The following TOX variants were observed in gnomAD, a reference collection of about 807,000 sequenced individuals.
TOX encodes the protein thymocyte selection-associated high mobility group box protein TOX.
TOX carries 11 observed loss-of-function variants against 53.7 expected under a neutral mutation model. The ratio of observed to expected loss-of-function variants is 0.20; its 90% CI spans 0.13 to 0.34. The LOEUF is 0.34. TOX is among the 10% of genes least tolerant of loss of function. TOX has a pLI of 1.00. For missense variants in TOX, 570 were observed against 664.6 expected (o/e 0.86, Z 1.56); for synonymous variants, 225 against 245.3 (o/e 0.92, Z 0.77).
At chr8:58,950,525 T>A (rs147884200) in intron 2 of TOX, among the ~76,000 whole-genome samples, 227 of 152,292 alleles carry the variant, frequency 1.5e-3, no homozygotes, top group African/African-American at 5.2e-3. Flanking sequence ...CTCTAAATAC[T>A]GGAGGTCATC....
At chr8:58,987,995 G>T (rs1205419447) in intron 1 of TOX, among the ~76,000 whole-genome samples, 2 of 152,184 alleles carry the variant, frequency 1.3e-5, no homozygotes, top group Non-Finnish European at 2.9e-5. Context: ...TCCAATCCAG[G>T]TCTTCTGACT....
intron 3 of TOX, among the ~76,000 whole-genome samples, chr8:58,893,717 A>G (rs1016691033): frequency 6.6e-6 from 1 of 152,216 alleles, no homozygotes; most frequent in African/African-American, 2.4e-5. Context: ...CCTAAGACCT[A>G]AGTTGACTTT....
rs112612403 is a variant in TOX, at chr8:59,087,165, C to A, written c.102+31721G>T. On this transcript the variant is annotated intron_variant, in intron 1 of 8. Transcript: ENST00000361421. ...AGATTTCTATATCTAAACTGAAAGA[C>A]CTTTTCTCTAAAAGCATCAACAGTC... Among the ~76,000 whole-genome samples the A allele has an allele frequency of 3.3e-5, 5 of 152,254 alleles. 1 individual carries two copies. Among genetic ancestry groups the A allele is most frequent in the African/African-American group, 1.2e-4 (5 of 41,554 alleles).
chr8:59,106,359 A>G (rs1804903162), intron 1 of TOX, among the ~76,000 whole-genome samples: 2 of 152,208 alleles, frequency 1.3e-5, no homozygotes, highest in Admixed American at 6.5e-5. Flanking sequence ...AGCAAGTGCC[A>G]TAAGAAAAAT....
At chr8:58,831,057 A>G (rs907516349) in intron 5 of TOX, among the ~76,000 whole-genome samples, 25 of 152,160 alleles carry the variant, frequency 1.6e-4, no homozygotes, top group African/African-American at 6.0e-4. Flanking sequence ...CTTAGGCTCC[A>G]AGGCCTTCAC....
chr8:58,853,737 G>T (rs1810864659), intron 3 of TOX, among the ~76,000 whole-genome samples: 1 of 152,100 alleles, frequency 6.6e-6, no homozygotes, highest in Admixed American at 6.5e-5. Context: ...CATTCATGTT[G>T]CCTTCAGTCA....
chr8:58,811,217 A>G (rs902442078), intron 7 of TOX, among the ~76,000 whole-genome samples: 1 of 152,230 alleles, frequency 6.6e-6, no homozygotes, highest in Non-Finnish European at 1.5e-5. Context: ...ATGATGACAC[A>G]CACTTTTTGA....
chr8:59,047,419 G>A (rs545617952), intron 1 of TOX, among the ~76,000 whole-genome samples: 24 of 151,284 alleles, frequency 1.6e-4, no homozygotes, highest in African/African-American at 5.1e-4. Context: ...AGTAGAGACG[G>A]GGTTTCACCT....
chr8:58,901,531 C>T (rs1453424526), intron 3 of TOX, among the ~76,000 whole-genome samples: 1 of 152,132 alleles, frequency 6.6e-6, no homozygotes, highest in African/African-American at 2.4e-5. Flanking sequence ...GTTTCTGTGG[C>T]AGGAAACTGA....
At chr8:59,019,521 T>C (rs1227723532) in intron 1 of TOX, among the ~76,000 whole-genome samples, 1 of 152,156 alleles carries the variant, frequency 6.6e-6, no homozygotes, top group Admixed American at 6.5e-5. Context: ...AGACACAAAC[T>C]AGTGTCGAAA....
chr8:58,858,765 T>G (rs1049015838), intron 3 of TOX, among the ~76,000 whole-genome samples: 2 of 152,158 alleles, frequency 1.3e-5, no homozygotes, highest in African/African-American at 4.8e-5. Context: ...ATACACACTA[T>G]CAAACACACA....
Position 58,918,914 on chromosome 8 carries a change from G to A in TOX, c.411+20388C>T, listed in dbSNP as rs1299625723. 5.3e-5 allele frequency among the ~76,000 whole-genome samples: 8 copies of A among 151,860 alleles called. No homozygotes were observed. In the East Asian group the frequency reaches 5.8e-4, roughly 11 times the overall value. On this transcript the variant is annotated intron_variant, in intron 3 of 8. Transcript: ENST00000361421. ...CAAGCATTCTTATACACCAACAACC[G>A]GCAAACAGAGAGCCAAATCATAAGT...
At chr8:59,114,419 T>G (rs1302864688) in intron 1 of TOX, among the ~76,000 whole-genome samples, 4 of 152,202 alleles carry the variant, frequency 2.6e-5, no homozygotes, top group Non-Finnish European at 5.9e-5. Flanking sequence ...TTTGAAACTT[T>G]TCTATAATAT....
At chr8:58,859,273 A>G (rs1401353445) in intron 3 of TOX, among the ~76,000 whole-genome samples, 1 of 152,200 alleles carries the variant, frequency 6.6e-6, no homozygotes, top group Non-Finnish European at 1.5e-5. Context: ...AACTTGCTAT[A>G]TTTTTAAAGA....
intron 2 of TOX, among the ~76,000 whole-genome samples, chr8:58,943,345 T>C (rs1812473172): frequency 6.6e-6 from 1 of 152,012 alleles, no homozygotes; most frequent in South Asian, 2.1e-4. Context: ...CACAAGAAGG[T>C]ATATGAGTGA....
At chr8:58,860,026 G>T (rs1306936066) in intron 3 of TOX, among the ~76,000 whole-genome samples, 1 of 152,168 alleles carries the variant, frequency 6.6e-6, no homozygotes, top group Non-Finnish European at 1.5e-5. Flanking sequence ...GATCCAGAAA[G>T]AAGTGTCTTA....
intron 1 of TOX, among the ~76,000 whole-genome samples, chr8:59,061,744 A>C (rs1050946536): frequency 6.6e-6 from 1 of 151,766 alleles, no homozygotes; most frequent in Admixed American, 6.6e-5. Flanking sequence ...GTAGCAAGAA[A>C]CTCAGAAGGT....
chr8:58,883,036 T>C (rs767367144), intron 3 of TOX, among the ~76,000 whole-genome samples: 2 of 152,228 alleles, frequency 1.3e-5, no homozygotes, highest in Non-Finnish European at 2.9e-5. Flanking sequence ...ACGACCCACC[T>C]GCTTTCTACT....
chr8:58,943,161 C>T (rs953453605), intron 2 of TOX, among the ~76,000 whole-genome samples: 3 of 152,184 alleles, frequency 2.0e-5, no homozygotes, highest in African/African-American at 7.2e-5. Context: ...ACAGAGATTT[C>T]AGAGGATTCG....
Sources: allele counts gnomAD v4.1 joint callset (sites outside exome capture counted in the v4.1 genomes callset), GRCh38; gene constraint gnomAD v4.1.1; transcripts MANE v1.5; gene names NCBI Gene and HGNC (gene_info 2026-07-23, HGNC 2026-07-21).